Variants in OPHN1 observed in about 807,000 individuals in gnomAD.
The protein encoded by OPHN1 is oligophrenin 1, also known as oligophrenin-1.
In OPHN1, 11 loss-of-function variants were observed where a neutral mutation model predicts 60.7. The observed-to-expected ratio is 0.18, with a 90% confidence interval of 0.11 to 0.30. The LOEUF (loss-of-function observed/expected upper bound fraction) is 0.30, where lower values mean the gene tolerates loss of function less well. OPHN1 is among the 10% of genes least tolerant of loss of function. The pLI is 1.00. For synonymous variants in OPHN1, 226 were observed against 222.6 expected (o/e 1.02, Z -0.14); for missense variants, 449 against 611.0 (o/e 0.73, Z 2.80).
chrX:68,195,744 A>T (rs1329299265), intron 12 of OPHN1, among the ~76,000 whole-genome samples: 1 of 111,880 alleles, frequency 8.9e-6, no homozygotes, highest in Non-Finnish European at 1.9e-5. Context: ...ATATGTGTGT[A>T]TGCCCACAGA....
intron 18 of OPHN1, among the ~76,000 whole-genome samples, chrX:68,108,014 A>G (rs1460762280): frequency 8.9e-6 from 1 of 111,936 alleles, no homozygotes; most frequent in Non-Finnish European, 1.9e-5. Context: ...CATTCCTCCT[A>G]TGTTTATTAG....
At chrX:68,120,009 C>T (rs1345944980) in intron 15 of OPHN1, among the ~76,000 whole-genome samples, 5 of 111,384 alleles carry the variant, frequency 4.5e-5, no homozygotes, top group Admixed American at 9.6e-5. Flanking sequence ...AGAACCTAAG[C>T]GAACGAGGTG....
chrX:68,216,087 T>C, intron 6 of OPHN1, among the ~76,000 whole-genome samples: 1 of 111,674 alleles, frequency 9.0e-6, no homozygotes, highest in East Asian at 2.8e-4. Context: ...ATAGTACCAT[T>C]ATAAGGGACT....
At chrX:68,241,648 G>A (rs1391961191) in intron 5 of OPHN1, among the ~76,000 whole-genome samples, 1 of 111,832 alleles carries the variant, frequency 8.9e-6, no homozygotes, top group African/African-American at 3.2e-5. Flanking sequence ...GGCTGGGCAC[G>A]GTGGCTCACA....
chrX:68,281,348 T>C (rs2078018453), intron 4 of OPHN1, among the ~76,000 whole-genome samples: 2 of 112,080 alleles, frequency 1.8e-5, no homozygotes, highest in Admixed American at 1.9e-4. Flanking sequence ...AAAAACAGTG[T>C]TGGAGCAACT....
intron 8 of OPHN1, among the ~76,000 whole-genome samples, chrX:68,210,711 C>T (rs1053509320): frequency 2.7e-5 from 3 of 111,753 alleles, no homozygotes; most frequent in Admixed American, 9.5e-5. Context: ...AAATTCTGGC[C>T]AAGAACATAA....
chrX:68,161,807 C>A (rs2077335778), intron 15 of OPHN1, among the ~76,000 whole-genome samples: 1 of 110,901 alleles, frequency 9.0e-6, no homozygotes, highest in African/African-American at 3.3e-5. Context: ...CACCAAAAAC[C>A]TGAAAGCAGC....
intron 2 of OPHN1, among the ~76,000 whole-genome samples, chrX:68,402,895 C>G (rs2078722639): frequency 1.8e-5 from 2 of 111,766 alleles, no homozygotes; most frequent in African/African-American, 6.5e-5. Flanking sequence ...AACATAGGCA[C>G]ATACTCACAC....
At chrX:68,219,885 G>A (rs2077642881) in intron 6 of OPHN1, among the ~76,000 whole-genome samples, 1 of 94,951 alleles carries the variant, frequency 1.1e-5, no homozygotes, top group Non-Finnish European at 2.1e-5. Context: ...AAAAGTAAGA[G>A]CAAACACATT....
intron 2 of OPHN1, among the ~76,000 whole-genome samples, chrX:68,380,609 C>G (rs1225004878): frequency 9.0e-6 from 1 of 111,162 alleles, no homozygotes; most frequent in Non-Finnish European, 1.9e-5. Context: ...GAATGTGTCC[C>G]AGAGATTCTG....
At chrX:68,310,026 T>C (rs1738606930) in intron 2 of OPHN1, among the ~76,000 whole-genome samples, 1 of 111,813 alleles carries the variant, frequency 8.9e-6, no homozygotes, top group African/African-American at 3.2e-5. Flanking sequence ...GTAAAACAAG[T>C]TTATGTATTG....
chrX:68,178,343 A>T (rs1322886162), intron 15 of OPHN1, among the ~76,000 whole-genome samples: 4 of 112,082 alleles, frequency 3.6e-5, no homozygotes, highest in Non-Finnish European at 7.5e-5. Flanking sequence ...TAAACACTTC[A>T]TTCCAAATGA....
chrX:68,299,504 G>A (rs746028997), intron 2 of OPHN1, among the ~76,000 whole-genome samples: 1 of 111,687 alleles, frequency 9.0e-6, no homozygotes, highest in South Asian at 3.8e-4. Flanking sequence ...CAAAGTCCCA[G>A]AGCTTGGTGG....
At chrX:68,274,021 C>A (rs1039402775) in intron 5 of OPHN1, among the ~76,000 whole-genome samples, 1 of 111,193 alleles carries the variant, frequency 9.0e-6, no homozygotes, top group African/African-American at 3.3e-5. Context: ...TTTCAAACAA[C>A]CAGATGTGAT....
chrX:68,338,030 AT>A (rs1366745823), intron 2 of OPHN1, among the ~76,000 whole-genome samples: 3 of 110,527 alleles, frequency 2.7e-5, no homozygotes, highest in Admixed American at 9.8e-5. Flanking sequence ...TTATTTATTT[AT>A]TTTTTTTAGA....
intron 5 of OPHN1, among the ~76,000 whole-genome samples, chrX:68,265,218 G>C (rs2077917428): frequency 8.9e-6 from 1 of 112,176 alleles, no homozygotes; most frequent in Non-Finnish European, 1.9e-5. Flanking sequence ...TCTGAGAACA[G>C]ACAGACTGCC....
intron 15 of OPHN1, among the ~76,000 whole-genome samples, chrX:68,136,303 T>TC: frequency 1.2e-5 from 1 of 85,063 alleles, no homozygotes; most frequent in Non-Finnish European, 2.4e-5. Context: ...TTTTTTTTTT[T>TC]TTTTTTTTTT....
intron 23 of OPHN1, 52 bp downstream of exon 23, chrX:68,052,488 T>A: frequency 9.6e-7 from 1 of 1,039,631 alleles, no homozygotes; most frequent in Non-Finnish European, 1.3e-6. Context: ...ATGCTAAGGA[T>A]GCAGTTATTA....
At chrX:68,422,300 G>A (rs1002166431) in intron 2 of OPHN1, among the ~76,000 whole-genome samples, 7 of 109,470 alleles carry the variant, frequency 6.4e-5, no homozygotes, top group African/African-American at 1.0e-4. Flanking sequence ...GTGGAGGATC[G>A]CTTGAGCCCA....
Sources: gnomAD v4.1 joint callset for allele counts (sites outside exome capture counted in the v4.1 genomes callset) on GRCh38, gnomAD v4.1.1 for gene constraint, MANE v1.5 for transcripts, NCBI Gene and HGNC (gene_info 2026-07-23, HGNC 2026-07-21) for gene names.